The following SYNE3 variants were observed in gnomAD, a reference collection of about 807,000 sequenced individuals.
SYNE3 encodes the protein spectrin repeat containing nuclear envelope family member 3.
Under a neutral mutation model 111.2 loss-of-function variants are expected in SYNE3, and 100 were observed. The observed-to-expected ratio is 0.90, with a 90% CI of 0.77 to 1.06. SYNE3 has a LOEUF of 1.06. Among genes scored for constraint, SYNE3 ranks in the 50% least tolerant of loss-of-function variants. The probability of loss-of-function intolerance (pLI) is 0.00; values close to 1 mark genes in which losing one functional copy is unlikely to be tolerated. For missense variants in SYNE3, 1,160 were observed against 1,240.3 expected (o/e 0.94, Z 0.97); for synonymous variants, 547 against 533.9 (o/e 1.02, Z -0.34).
chr14:95,490,295 C>T (rs966472686), intron 1 of SYNE3, among the ~76,000 whole-genome samples: 7 of 152,324 alleles, frequency 4.6e-5, no homozygotes, highest in South Asian at 2.1e-4. Flanking sequence ...GGGCTATAAC[C>T]GATTATGGCA....
chr14:95,440,489 T>A (rs900508862), intron 11 of SYNE3, among the ~76,000 whole-genome samples: 1 of 152,164 alleles, frequency 6.6e-6, no homozygotes, highest in Non-Finnish European at 1.5e-5. Flanking sequence ...TCACCCAAGG[T>A]CATACATGTG....
rs1886339720 is a variant in SYNE3 at position 95,440,215 on chromosome 14, G to A, written c.1912-140C>T. ...ACCAAGTAGCACCACAAGAGGCTGG[G>A]CTGGCCCTTCCCTCCACACAGCACA... On this transcript the variant is annotated intron_variant, in intron 11 of 17. Transcript: ENST00000682763. 5.1e-5 allele frequency: 47 copies of A among 924,680 alleles called. No individual in the cohort carries two copies. The South Asian group carries it at 8.0e-4, about 16-fold the overall frequency. 57.3% of individuals were successfully genotyped at this position (924,680 alleles called of 1,614,324 possible).
intron 1 of SYNE3, among the ~76,000 whole-genome samples, chr14:95,479,942 C>T (rs1376161960): frequency 1.3e-5 from 2 of 152,040 alleles, no homozygotes; most frequent in Admixed American, 6.6e-5. Context: ...AAATGGCAGA[C>T]GCACACGGCC....
chr14:95,448,354 C>T (rs986686093), intron 8 of SYNE3, among the ~76,000 whole-genome samples: 1 of 152,290 alleles, frequency 6.6e-6, no homozygotes, highest in Non-Finnish European at 1.5e-5. Flanking sequence ...AAGGGGCCCA[C>T]TGGACCCTTG....
Position 95,411,823 on chromosome 14 carries a change from G to A in SYNE3, c.*6003C>T, listed in dbSNP as rs556315663. The A allele has an allele frequency of 6.6e-6, 1 of 152,482 alleles. No homozygotes were observed. The highest frequency in any genetic ancestry group is 2.4e-5 in the African/African-American group (1 of 41,594). 9.4% of individuals were successfully genotyped at this position (152,482 alleles called of 1,614,324 possible). A position where few individuals can be genotyped will look rare whatever the true frequency, so the allele number is the denominator to read the frequency against. On this transcript the variant is annotated 3_prime_UTR_variant, in exon 18 of 18. Transcript: ENST00000682763. ...CTCCTCTGGGGAGAAATCCTAGGCA[G>A]GGGGCAGGAAAGGGCAAGAGATTAT...
chr14:95,427,463 T>C (rs890184670), intron 17 of SYNE3, among the ~76,000 whole-genome samples: 17 of 152,252 alleles, frequency 1.1e-4, no homozygotes, highest in Non-Finnish European at 1.3e-4. Context: ...TAGTCCACTT[T>C]GATGTTCCAT....
At chr14:95,503,313 A>T (rs1384479563) in intron 1 of SYNE3, among the ~76,000 whole-genome samples, 2 of 152,246 alleles carry the variant, frequency 1.3e-5, no homozygotes, top group Non-Finnish European at 2.9e-5. Flanking sequence ...CTTTACAGAC[A>T]TGAGAGAGTA....
intron 8 of SYNE3, among the ~76,000 whole-genome samples, chr14:95,446,581 T>C (rs1285333170): frequency 6.6e-6 from 1 of 152,034 alleles, no homozygotes; most frequent in East Asian, 1.9e-4. Context: ...CCCAGCGCTA[T>C]CTGCAACAGT....
chr14:95,438,885 G>T, intron 14 of SYNE3, 148 bp downstream of exon 14: 2 of 1,122,132 alleles, frequency 1.8e-6, no homozygotes, highest in Non-Finnish European at 2.6e-6. Flanking sequence ...GCCACAGCTG[G>T]GGCAGGCTCA....
intron 1 of SYNE3, among the ~76,000 whole-genome samples, chr14:95,508,972 A>G (rs1235901962): frequency 6.6e-6 from 1 of 152,242 alleles, no homozygotes; most frequent in Non-Finnish European, 1.5e-5. Context: ...AAAGTTAATA[A>G]GATCCTATTT....
intron 1 of SYNE3, among the ~76,000 whole-genome samples, chr14:95,488,445 G>T (rs138245598): frequency 6.6e-5 from 10 of 152,284 alleles, no homozygotes; most frequent in African/African-American, 2.4e-4. Flanking sequence ...AAGCTGTGAT[G>T]AATACTTGTG....
Position 95,467,868 on chromosome 14 carries a change from CG to C in SYNE3, c.243del (p.Ile83SerfsTer5), listed in dbSNP as rs1888288141. On this transcript the variant is annotated frameshift_variant, in exon 3 of 18. Coordinates refer to ENST00000682763, the MANE Select transcript of SYNE3 (RefSeq NM_152592.6). LOFTEE classifies it high-confidence loss of function. ...LLACCPGDQK[P>X]GILARLKDIK... ...ATGTCCTTCAGCCGGGCCAGGATCCCGGGCTTCTGGTCCCCAGGGCAGCATG... is the reference window on the plus strand; with the variant it reads ...ATGTCCTTCAGCCGGGCCAGGATCCCGGCTTCTGGTCCCCAGGGCAGCATG... 6.2e-7 allele frequency: 1 copy of C among 1,614,102 alleles called. No individual in the cohort carries two copies. The highest frequency in any genetic ancestry group is 1.3e-5 in the African/African-American group (1 of 74,942).
chr14:95,481,968 G>T (rs974721588), intron 1 of SYNE3, among the ~76,000 whole-genome samples: 3 of 152,198 alleles, frequency 2.0e-5, no homozygotes, highest in Admixed American at 2.0e-4. Flanking sequence ...TCCTGGGGTC[G>T]CTGGGTCCAG....
intron 4 of SYNE3, among the ~76,000 whole-genome samples, chr14:95,461,722 G>C (rs761011436): frequency 5.9e-5 from 9 of 152,268 alleles, no homozygotes; most frequent in Non-Finnish European, 1.2e-4. Flanking sequence ...CCGAGGCCAG[G>C]CCTCGACCCC....
Position 95,455,628 on chromosome 14 carries a change from C to T in SYNE3, c.886G>A (p.Glu296Lys), listed in dbSNP as rs200001831. The T allele has an allele frequency of 1.9e-4, 299 of 1,614,108 alleles. No individual in the cohort carries two copies. The highest frequency in any genetic ancestry group is 2.3e-4 in the Non-Finnish European group (273 of 1,180,048). Residue 296 changes from glutamate (E) to lysine (K), a missense_variant, in exon 6 of 18, where the codon GAG (glutamate) becomes AAG (lysine). By Grantham distance (56) the Glu-to-Lys change is moderately conservative. Transcript: ENST00000682763. ...TCTTCCAGTTCTCCGGTGATCTTCT[C>T]TGCACCCAAAGGAGAGGTGTTCCGA... ...VIRNTSPLGA[E>K]KITGELEEMR...
Position 95,432,247 on chromosome 14 carries a change from A to C in SYNE3, c.2689-130T>G, listed in dbSNP as rs145957187. 9.9e-5 allele frequency: 106 copies of C among 1,073,332 alleles called. 2 individuals carry two copies. The African/African-American group carries it at 1.4e-3, about 14-fold the overall frequency. The allele number at this position is 1,073,332 out of a possible 1,614,324, so 66.5% of individuals were successfully genotyped here. On this transcript the variant is annotated intron_variant, in intron 16 of 17. Transcript: ENST00000682763. ...GAGTGTTTCTTTAAAACTTCTGGTC[A>C]TCTGGACAGCCTGAGCCAGCAGATG...
rs987064949 is a variant in SYNE3 at position 95,411,900 on chromosome 14, C to T, written c.*5926G>A. 2.0e-5 allele frequency: 3 copies of T among 152,386 alleles called. No individual in the cohort carries two copies. The highest frequency in any genetic ancestry group is 4.4e-5 in the Non-Finnish European group (3 of 68,164). 9.4% of individuals were successfully genotyped at this position (152,386 alleles called of 1,614,324 possible). ...ATGATCCCCAGTGGGGAAAAGTGGGCTTCTCAGTTTGGCATTTCCAACCAC... is the reference window on the plus strand; with the variant it reads ...ATGATCCCCAGTGGGGAAAAGTGGGTTTCTCAGTTTGGCATTTCCAACCAC... On this transcript the variant is annotated 3_prime_UTR_variant, in exon 18 of 18. Coordinates refer to ENST00000682763, the MANE Select transcript of SYNE3 (RefSeq NM_152592.6).
chr14:95,427,108 T>C (rs1432280967), intron 17 of SYNE3, among the ~76,000 whole-genome samples: 1 of 151,724 alleles, frequency 6.6e-6, no homozygotes, highest in Non-Finnish European at 1.5e-5. Flanking sequence ...CATACAGAGA[T>C]AGGAGCTGAG....
At chr14:95,479,445 G>A (rs567848444) in intron 1 of SYNE3, among the ~76,000 whole-genome samples, 3 of 152,276 alleles carry the variant, frequency 2.0e-5, no homozygotes, top group African/African-American at 7.2e-5. Context: ...TTTACCAAAC[G>A]CACAGGTGTT....
Sources: gnomAD v4.1 joint callset for allele counts (sites outside exome capture counted in the v4.1 genomes callset) on GRCh38, gnomAD v4.1.1 for gene constraint, MANE v1.5 for transcripts, NCBI Gene and HGNC (gene_info 2026-07-23, HGNC 2026-07-21) for gene names.